Variants in EPB41L4B observed in about 807,000 individuals in gnomAD.
The protein encoded by EPB41L4B is band 4.1-like protein 4B.
Under a neutral mutation model 112.5 loss-of-function variants are expected in EPB41L4B, and 30 were observed. The observed-to-expected ratio is 0.27, with a 90% CI of 0.20 to 0.36. The LOEUF (loss-of-function observed/expected upper bound fraction) is 0.36, where lower values mean the gene tolerates loss of function less well. Among genes scored for constraint, EPB41L4B ranks in the 10% least tolerant of loss-of-function variants. The pLI is 1.00. For missense variants in EPB41L4B, 1,024 were observed against 1,133.3 expected (o/e 0.90, Z 1.38); for synonymous variants, 408 against 439.7 (o/e 0.93, Z 0.90).
chr9:109,218,244 G>T (rs1391191778), intron 15 of EPB41L4B, among the ~76,000 whole-genome samples: 1 of 145,046 alleles, frequency 6.9e-6, no homozygotes, highest in Non-Finnish European at 1.5e-5. Flanking sequence ...TCATGCCTCA[G>T]CCTCCTGAGT....
Position 109,263,047 on chromosome 9 carries a change from T to C in EPB41L4B, c.631+3A>G. ...TGCTAATTACTACTAAAGATTAATG[T>C]ACCTTGTAGACAGAGAGCAGCTAAT... On this transcript the variant is annotated splice_donor_region_variant and intron_variant, in intron 6 of 25. Coordinates refer to ENST00000374566, the MANE Select transcript of EPB41L4B (RefSeq NM_019114.5). 6.3e-7 allele frequency: 1 copy of C among 1,583,788 alleles called. No individual in the cohort carries two copies. Among genetic ancestry groups the C allele is most frequent in the Non-Finnish European group, 8.6e-7 (1 of 1,158,656 alleles).
chr9:109,235,390 CTTTTTTTTTTT>C (rs758330838), intron 15 of EPB41L4B, among the ~76,000 whole-genome samples: 41 of 87,250 alleles, frequency 4.7e-4, no homozygotes, highest in Middle Eastern at 0.021. Flanking sequence ...TTCAGCTAGA[CTTTTTTTTTTT>C]TTTTTTTTTT....
intron 15 of EPB41L4B, among the ~76,000 whole-genome samples, chr9:109,242,206 G>C (rs1172812683): frequency 1.3e-5 from 2 of 152,200 alleles, no homozygotes; most frequent in Non-Finnish European, 2.9e-5. Flanking sequence ...TGTTTTCATG[G>C]GGTATCTTTG....
chr9:109,178,902 T>TAA (rs10625718), intron 24 of EPB41L4B, among the ~76,000 whole-genome samples: 1,080 of 105,128 alleles, frequency 0.01, 47 homozygotes, highest in African/African-American at 0.039. Context: ...ATACTTCAAG[T>TAA]AAAAAAAAAA....
intron 21 of EPB41L4B, among the ~76,000 whole-genome samples, chr9:109,193,829 G>C (rs1832548736): frequency 6.6e-6 from 1 of 152,212 alleles, no homozygotes; most frequent in African/African-American, 2.4e-5. Context: ...TATGACATAA[G>C]GGAAGGGATG....
rs879339977 is a variant in EPB41L4B at position 109,173,873 on chromosome 9, C to T, written c.*681G>A. On this transcript the variant is annotated 3_prime_UTR_variant, in exon 26 of 26. Transcript: ENST00000374566. ...CTTCTTGATATTGAATCATCTTAAC[C>T]TTGTAAGGATTTTTAGACAATGTAA... 1 of 152,238 alleles carries T rather than the reference C, an allele frequency of 6.6e-6. No individual in the cohort carries two copies. Among genetic ancestry groups the T allele is most frequent in the Non-Finnish European group, 1.5e-5 (1 of 68,028 alleles). 9.4% of individuals were successfully genotyped at this position (152,238 alleles called of 1,614,324 possible).
At chr9:109,218,701 T>C (rs1416890230) in intron 15 of EPB41L4B, among the ~76,000 whole-genome samples, 1 of 151,794 alleles carries the variant, frequency 6.6e-6, no homozygotes, top group Non-Finnish European at 1.5e-5. Context: ...CCCTAACTCC[T>C]TCCCATCCCG....
Position 109,217,062 on chromosome 9 carries a change from G to A in EPB41L4B, c.1493C>T (p.Thr498Ile). 6.2e-7 allele frequency: 1 copy of A among 1,614,202 alleles called. No homozygotes were observed. Among genetic ancestry groups the A allele is most frequent in the Non-Finnish European group, 8.5e-7 (1 of 1,180,046 alleles). The stretch of plus-strand genomic sequence containing the variant: ...GTGGTGATGCCTTCCTGAAGCTGCG[G>A]TGAGGAACGGTGTGCCCCCATTCTC... Reference protein sequence around the residue: ...IEENGGTPFLTAASGRHHHQH... With the variant: ...IEENGGTPFLIAASGRHHHQH... Residue 498 changes from threonine to isoleucine, a missense_variant, in exon 16 of 26, where the codon ACC (threonine) becomes ATC (isoleucine). Physicochemically the swap from Thr to Ile is moderately conservative, Grantham distance 89 (BLOSUM62 -1). Transcript: ENST00000374566.
At chr9:109,233,633 C>A (rs1376538744) in intron 15 of EPB41L4B, among the ~76,000 whole-genome samples, 1 of 150,994 alleles carries the variant, frequency 6.6e-6, no homozygotes, top group Non-Finnish European at 1.5e-5. Flanking sequence ...CGGGTTCAAG[C>A]GATTCTCCTG....
intron 25 of EPB41L4B, among the ~76,000 whole-genome samples, chr9:109,174,918 T>G (rs894292354): frequency 7.1e-6 from 1 of 140,798 alleles, no homozygotes; most frequent in Non-Finnish European, 1.6e-5. Context: ...AAGTGTTTTT[T>G]TTTTTTTTTT....
At chr9:109,219,371 C>CT (rs934733901) in intron 15 of EPB41L4B, among the ~76,000 whole-genome samples, 1 of 152,066 alleles carries the variant, frequency 6.6e-6, no homozygotes, top group Non-Finnish European at 1.5e-5. Flanking sequence ...ATTTTCTTTC[C>CT]TTTTTTTGAG....
intron 15 of EPB41L4B, among the ~76,000 whole-genome samples, chr9:109,221,415 T>A (rs533400162): frequency 6.6e-6 from 1 of 152,128 alleles, no homozygotes; most frequent in Non-Finnish European, 1.5e-5. Flanking sequence ...CAGAGAAAAT[T>A]CCCCTTTGCT....
chr9:109,208,408 T>A (rs985877465), intron 17 of EPB41L4B, among the ~76,000 whole-genome samples: 1 of 152,182 alleles, frequency 6.6e-6, no homozygotes, highest in Non-Finnish European at 1.5e-5. Flanking sequence ...ATCTCTTACA[T>A]AGAAAAATTC....
Position 109,176,652 on chromosome 9 carries a change from A to G in EPB41L4B, c.2532T>C (p.Thr844=). Residue 844 remains threonine (T), a synonymous_variant, in exon 25 of 26, where the codon ACT becomes ACC. Coordinates refer to ENST00000374566, the MANE Select transcript of EPB41L4B (RefSeq NM_019114.5). ...GGGTCGCTGCTGGGATCAGCGGGGAAGTCGGGCCAGGACAGCACTGTAATT... is the reference window on the plus strand; with the variant it reads ...GGGTCGCTGCTGGGATCAGCGGGGAGGTCGGGCCAGGACAGCACTGTAATT... ...DSKLQCCPGP[T]SPLIPAATLR... 2.5e-6 allele frequency: 4 copies of G among 1,614,118 alleles called. No individual in the cohort carries two copies. Among genetic ancestry groups the G allele is most frequent in the Non-Finnish European group, 3.4e-6 (4 of 1,180,006 alleles).
intron 15 of EPB41L4B, among the ~76,000 whole-genome samples, chr9:109,217,905 CT>C (rs1321728800): frequency 2.2e-5 from 3 of 139,396 alleles, no homozygotes; most frequent in Non-Finnish European, 4.9e-5. Context: ...GGACCACCTC[CT>C]TTTAAAAAAA....
intron 2 of EPB41L4B, among the ~76,000 whole-genome samples, chr9:109,273,198 C>T (rs1835691286): frequency 6.6e-6 from 1 of 151,998 alleles, no homozygotes; most frequent in East Asian, 1.9e-4. Flanking sequence ...AACACTCGGC[C>T]TGCCTCCCAG....
At chr9:109,200,931 A>G (rs1217028288) in intron 19 of EPB41L4B, among the ~76,000 whole-genome samples, 2 of 152,226 alleles carry the variant, frequency 1.3e-5, no homozygotes, top group African/African-American at 4.8e-5. Flanking sequence ...AATTTATTTC[A>G]GGTAACCAAT....
At chr9:109,281,724 AT>A (rs374814762) in intron 1 of EPB41L4B, among the ~76,000 whole-genome samples, 45,457 of 103,084 alleles carry the variant, frequency 0.44, 7,233 homozygotes, top group African/African-American at 0.5. Flanking sequence ...AAATAAATAA[AT>A]TAATTAATTA....
At chr9:109,291,906 T>C (rs563322863) in intron 1 of EPB41L4B, among the ~76,000 whole-genome samples, 1 of 152,300 alleles carries the variant, frequency 6.6e-6, no homozygotes, top group East Asian at 1.9e-4. Context: ...ACTGAGACTT[T>C]GTGTTGCATT....
Sources: gnomAD v4.1 joint callset for allele counts (sites outside exome capture counted in the v4.1 genomes callset) on GRCh38, gnomAD v4.1.1 for gene constraint, MANE v1.5 for transcripts, NCBI Gene and HGNC (gene_info 2026-07-23, HGNC 2026-07-21) for gene names.